Variants in CTIF observed in about 807,000 individuals in gnomAD.
CTIF encodes the protein CBP80/20-dependent translation initiation factor.
In CTIF, 21 loss-of-function variants were observed where a neutral mutation model predicts 66.0. The observed-to-expected ratio is 0.32, with a 90% confidence interval of 0.23 to 0.46. The LOEUF is 0.46. Ranked by LOEUF, CTIF falls within the 20% of genes least tolerant of loss-of-function variation. The pLI is 1.00. For synonymous variants in CTIF, 345 were observed against 326.4 expected, an observed-to-expected ratio of 1.06 and a Z score of -0.62; for missense variants, 739 against 812.7, an observed-to-expected ratio of 0.91 and a Z score of 1.10.
At chr18:48,859,134 G>A (rs1320506531) in intron 11 of CTIF, among the ~76,000 whole-genome samples, 1 of 152,204 alleles carries the variant, frequency 6.6e-6, no homozygotes, top group Non-Finnish European at 1.5e-5. Flanking sequence ...TCTGGATCCT[G>A]CTGGCAGATT....
chr18:48,762,869 G>A (rs943370714), intron 9 of CTIF, among the ~76,000 whole-genome samples: 56 of 152,196 alleles, frequency 3.7e-4, no homozygotes, highest in African/African-American at 1.9e-4. Flanking sequence ...ACATGCAGCC[G>A]GCAGGGCTCC....
At chr18:48,615,111 G>T (rs371996369) in intron 1 of CTIF, among the ~76,000 whole-genome samples, 2 of 152,054 alleles carry the variant, frequency 1.3e-5, no homozygotes, top group African/African-American at 4.8e-5. Context: ...GCCTAGGCTG[G>T]TATCAAATTC....
At chr18:48,763,176 C>G (rs1047152466) in intron 9 of CTIF, among the ~76,000 whole-genome samples, 4 of 152,134 alleles carry the variant, frequency 2.6e-5, no homozygotes, top group African/African-American at 9.7e-5. Context: ...ATGGTCTCGG[C>G]TTTGGGTTTT....
At chr18:48,686,738 C>G (rs916916582) in intron 6 of CTIF, among the ~76,000 whole-genome samples, 4 of 152,134 alleles carry the variant, frequency 2.6e-5, no homozygotes, top group Admixed American at 6.5e-5. Flanking sequence ...TGTTTCCTGC[C>G]AACACCTGAG....
At chr18:48,554,118 C>T (rs1358996053) in intron 1 of CTIF, among the ~76,000 whole-genome samples, 2 of 152,204 alleles carry the variant, frequency 1.3e-5, no homozygotes, top group East Asian at 3.8e-4. Context: ...GTGTGACCAG[C>T]TAAGTTGTCT....
intron 7 of CTIF, among the ~76,000 whole-genome samples, chr18:48,718,477 A>C (rs2092302136): frequency 6.6e-6 from 1 of 152,224 alleles, no homozygotes; most frequent in Admixed American, 6.5e-5. Context: ...GCCAAGAAAC[A>C]GGAGCATGTA....
At chr18:48,570,520 G>A (rs1027558681) in intron 1 of CTIF, among the ~76,000 whole-genome samples, 5 of 152,186 alleles carry the variant, frequency 3.3e-5, no homozygotes, top group Non-Finnish European at 5.9e-5. Context: ...GGAGGAGACA[G>A]ACATCCACGC....
At chr18:48,745,382 A>G (rs904735142) in intron 7 of CTIF, among the ~76,000 whole-genome samples, 1 of 152,268 alleles carries the variant, frequency 6.6e-6, no homozygotes, top group African/African-American at 2.4e-5. Context: ...TCTCCACTGT[A>G]AAGTTACAAG....
intron 6 of CTIF, among the ~76,000 whole-genome samples, chr18:48,676,203 G>A (rs145626309): frequency 5.9e-5 from 9 of 152,302 alleles, no homozygotes; most frequent in African/African-American, 9.6e-5. Context: ...CAGGGCCCTC[G>A]GCGCCCTGCG....
At chr18:48,552,710 A>G (rs1219874878) in intron 1 of CTIF, among the ~76,000 whole-genome samples, 2 of 152,298 alleles carry the variant, frequency 1.3e-5, no homozygotes, top group East Asian at 3.9e-4. Flanking sequence ...GGGGGGATAC[A>G]TTCAGACAGT....
Position 48,619,628 on chromosome 18 carries a change from C to A in CTIF, c.63C>A (p.Ile21=). Residue 21 remains isoleucine (I), a synonymous_variant, in exon 2 of 12, where the codon ATC becomes ATA. Coordinates refer to ENST00000256413, the MANE Select transcript of CTIF (RefSeq NM_014772.3). ...CAGGGAGCAGCCGCTCCCAGGAGATCGAGGAGCTGGAGCGCTTCATCGACA... is the reference window on the plus strand; with the variant it reads ...CAGGGAGCAGCCGCTCCCAGGAGATAGAGGAGCTGGAGCGCTTCATCGACA... ...SEAGSSRSQE[I]EELERFIDSY... is the part of the protein sequence containing the mutation. 6.2e-7 allele frequency: 1 copy of A among 1,605,004 alleles called. No homozygotes were observed. The highest frequency in any genetic ancestry group is 8.5e-7 in the Non-Finnish European group (1 of 1,176,092).
chr18:48,803,895 C>T (rs779842669), intron 9 of CTIF, among the ~76,000 whole-genome samples: 33 of 152,158 alleles, frequency 2.2e-4, no homozygotes, highest in Non-Finnish European at 4.3e-4. Flanking sequence ...AATCAGTCAG[C>T]ATGCAAGTCA....
At chr18:48,805,314 A>G (rs1478149921) in intron 9 of CTIF, among the ~76,000 whole-genome samples, 8 of 151,598 alleles carry the variant, frequency 5.3e-5, no homozygotes, top group Admixed American at 5.3e-4. Flanking sequence ...CCTTCCAGGA[A>G]CTACCCAAGG....
At chr18:48,839,870 C>G (rs916477654) in intron 10 of CTIF, among the ~76,000 whole-genome samples, 1 of 152,180 alleles carries the variant, frequency 6.6e-6, no homozygotes, top group Non-Finnish European at 1.5e-5. Context: ...AACAGAGGCC[C>G]TTCCGAATGG....
chr18:48,641,520 G>T (rs1048480749), intron 3 of CTIF, among the ~76,000 whole-genome samples: 3 of 152,166 alleles, frequency 2.0e-5, no homozygotes, highest in Non-Finnish European at 4.4e-5. Flanking sequence ...TTGACTGAGG[G>T]CCTATGATCC....
chr18:48,540,748 G>T (rs1391522534), intron 1 of CTIF, among the ~76,000 whole-genome samples: 1 of 152,080 alleles, frequency 6.6e-6, no homozygotes. Context: ...GGCGGGGACC[G>T]CAGACCGCGG....
chr18:48,572,819 C>T (rs2089445358), intron 1 of CTIF, among the ~76,000 whole-genome samples: 2 of 152,044 alleles, frequency 1.3e-5, no homozygotes, highest in East Asian at 1.9e-4. Context: ...GAAACCCCAA[C>T]TCTTCAAAAA....
chr18:48,540,576 G>A (rs1177765213), intron 1 of CTIF, among the ~76,000 whole-genome samples: 1 of 151,760 alleles, frequency 6.6e-6, no homozygotes, highest in African/African-American at 2.4e-5. Flanking sequence ...GTTCCGCGGA[G>A]TTTTCAGGGT....
intron 10 of CTIF, among the ~76,000 whole-genome samples, chr18:48,818,714 G>A (rs900344918): frequency 3.3e-5 from 5 of 152,038 alleles, no homozygotes; most frequent in Non-Finnish European, 4.4e-5. Flanking sequence ...GGACCTGGAC[G>A]CCTCCCCCAT....
Sources: allele counts gnomAD v4.1 joint callset (sites outside exome capture counted in the v4.1 genomes callset), GRCh38; gene constraint gnomAD v4.1.1; transcripts MANE v1.5; gene names NCBI Gene and HGNC (gene_info 2026-07-23, HGNC 2026-07-21).